Variants in PPP2R5E observed in about 807,000 individuals in gnomAD.
PPP2R5E encodes the protein protein phosphatase 2 regulatory subunit B'epsilon, also known as serine/threonine-protein phosphatase 2A 56 kDa regulatory subunit epsilon isoform.
A neutral mutation model predicts 65.3 loss-of-function variants in PPP2R5E; 4 were observed. The observed-to-expected ratio is 0.06, with a 90% CI of 0.03 to 0.14. The LOEUF is 0.14. Ranked by LOEUF, PPP2R5E falls within the 10% of genes least tolerant of loss-of-function variation. PPP2R5E has a pLI of 1.00. For missense variants in PPP2R5E, 274 were observed against 556.1 expected (o/e 0.49, Z 5.10); for synonymous variants, 183 against 187.4 (o/e 0.98, Z 0.19).
chr14:63,470,763 C>T (rs918293548), intron 2 of PPP2R5E, among the ~76,000 whole-genome samples: 17 of 147,602 alleles, frequency 1.2e-4, no homozygotes, highest in Non-Finnish European at 2.1e-4. Flanking sequence ...ATGGCTCACA[C>T]CTATAATCCC....
intron 3 of PPP2R5E, among the ~76,000 whole-genome samples, chr14:63,446,567 C>T (rs1177618398): frequency 1.3e-5 from 2 of 152,086 alleles, no homozygotes; most frequent in African/African-American, 2.4e-5. Context: ...CGGTGGCTCA[C>T]GCCTGTAATT....
intron 2 of PPP2R5E, among the ~76,000 whole-genome samples, chr14:63,497,975 A>T (rs1342206219): frequency 6.6e-6 from 1 of 152,184 alleles, no homozygotes; most frequent in East Asian, 1.9e-4. Context: ...TTTCTTATTC[A>T]CTTAGAATAA....
intron 2 of PPP2R5E, among the ~76,000 whole-genome samples, chr14:63,473,784 TG>T (rs1290073595): frequency 6.6e-6 from 1 of 152,180 alleles, no homozygotes; most frequent in Non-Finnish European, 1.5e-5. Flanking sequence ...TTTAGAAACT[TG>T]GGAGTTTTAA....
intron 2 of PPP2R5E, among the ~76,000 whole-genome samples, chr14:63,529,210 C>T (rs913365114): frequency 4.6e-5 from 7 of 152,252 alleles, no homozygotes; most frequent in African/African-American, 1.2e-4. Context: ...GATCCTCCTG[C>T]GTCCTCCCAA....
At chr14:63,416,760 C>A (rs1169532322) in intron 4 of PPP2R5E, among the ~76,000 whole-genome samples, 5 of 151,064 alleles carry the variant, frequency 3.3e-5, no homozygotes, top group African/African-American at 9.7e-5. Context: ...AGAAGAAAGC[C>A]ATTGTTTTAT....
chr14:63,391,943 G>A (rs368121677), intron 9 of PPP2R5E, 29 bp downstream of exon 9: 1 of 1,608,206 alleles, frequency 6.2e-7, no homozygotes, highest in Admixed American at 1.7e-5. Flanking sequence ...TTTTTCTTAA[G>A]TTTTTGAAAT....
rs534240476 is a variant in PPP2R5E at position 63,535,665 on chromosome 14, G to A, written c.157+3864C>T. Among the ~76,000 whole-genome samples the A allele has an allele frequency of 2.6e-5, 4 of 152,100 alleles. No homozygotes were observed. The South Asian group carries it at 6.2e-4, about 24-fold the overall frequency. ...CATAATCACTGTTTGTATAATTATC[G>A]TATTCAAACTCCCCTGAAATTAAAG... On this transcript the variant is annotated intron_variant, in intron 2 of 13. Coordinates refer to ENST00000337537, the MANE Select transcript of PPP2R5E (RefSeq NM_006246.5).
rs531184633 is a variant in PPP2R5E, at chr14:63,440,257, A to G, written c.354+13432T>C. ...TGGGCTCCTCCTCACCTCCTCAATC[A>G]CTATTTACTTTTCCAGACTGGGAAT... On this transcript the variant is annotated intron_variant, in intron 3 of 13. Transcript: ENST00000337537. Among the ~76,000 whole-genome samples, 24 of 152,228 alleles carry G rather than the reference A, an allele frequency of 1.6e-4. 1 individual carries two copies. The South Asian group carries it at 4.1e-3, about 26-fold the overall frequency.
At chr14:63,455,631 T>C in intron 2 of PPP2R5E, among the ~76,000 whole-genome samples, 1 of 152,116 alleles carries the variant, frequency 6.6e-6, no homozygotes, top group East Asian at 1.9e-4. Context: ...ACTCTCTAAG[T>C]GCTACCTGCT....
At chr14:63,412,684 C>T (rs1322751316) in intron 5 of PPP2R5E, among the ~76,000 whole-genome samples, 1 of 152,178 alleles carries the variant, frequency 6.6e-6, no homozygotes, top group African/African-American at 2.4e-5. Flanking sequence ...TACCAGAAAA[C>T]TTCACAGAAG....
chr14:63,380,405 G>A (rs1420808382), intron 13 of PPP2R5E, among the ~76,000 whole-genome samples: 5 of 152,060 alleles, frequency 3.3e-5, no homozygotes, highest in African/African-American at 9.7e-5. Context: ...GCTTACGCCT[G>A]TAATCCCAGC....
intron 2 of PPP2R5E, among the ~76,000 whole-genome samples, chr14:63,505,897 C>T (rs1472030386): frequency 5.9e-5 from 9 of 151,984 alleles, no homozygotes; most frequent in Non-Finnish European, 7.4e-5. Context: ...GTATTATAAT[C>T]AATATGAAAA....
intron 4 of PPP2R5E, 86 bp downstream of exon 4, chr14:63,421,907 G>T: frequency 2.0e-6 from 2 of 1,018,368 alleles, no homozygotes; most frequent in Non-Finnish European, 3.0e-6. Flanking sequence ...ATTTCTTGGT[G>T]AATAAAGCCC....
At chr14:63,401,369 C>T (rs889098635) in intron 5 of PPP2R5E, among the ~76,000 whole-genome samples, 11 of 152,106 alleles carry the variant, frequency 7.2e-5, no homozygotes, top group African/African-American at 2.7e-4. Context: ...GTGGACTGTG[C>T]CATCCCTAAT....
chr14:63,511,124 G>A (rs368393830), intron 2 of PPP2R5E, among the ~76,000 whole-genome samples: 3 of 152,334 alleles, frequency 2.0e-5, no homozygotes, highest in Admixed American at 6.5e-5. Flanking sequence ...CCACAAAGAG[G>A]TAGTCTTTCT....
intron 2 of PPP2R5E, among the ~76,000 whole-genome samples, chr14:63,478,165 T>C (rs1890500610): frequency 6.6e-6 from 1 of 152,208 alleles, no homozygotes; most frequent in South Asian, 2.1e-4. Context: ...CAGACTATTT[T>C]CAAATGACTT....
At chr14:63,421,052 C>CAAAAAAAAAAAAAAAAA (rs56297942) in intron 4 of PPP2R5E, among the ~76,000 whole-genome samples, 1 of 10,292 alleles carries the variant, frequency 9.7e-5, no homozygotes, top group African/African-American at 5.8e-4. Flanking sequence ...GACTCCGTCT[C>CAAAAAAAAAAAAAAAAA]AAAAAAAAAA....
intron 2 of PPP2R5E, among the ~76,000 whole-genome samples, chr14:63,506,996 G>A (rs1318130636): frequency 6.6e-6 from 1 of 152,218 alleles, no homozygotes; most frequent in Admixed American, 6.5e-5. Context: ...CAACATGGAG[G>A]AACCTTGAGA....
In PPP2R5E at chr14:63,374,155, T is replaced by C. The variant is rs1374613125; in HGVS notation, c.*1854A>G. 6.6e-6 allele frequency: 1 copy of C among 151,534 alleles called. No individual in the cohort carries two copies. The highest frequency in any genetic ancestry group is 1.9e-4 in the East Asian group (1 of 5,176). 9.4% of individuals were successfully genotyped at this position (151,534 alleles called of 1,614,324 possible). A position where few individuals can be genotyped will look rare whatever the true frequency, so the allele number is the denominator to read the frequency against. ...TTTTACAAAGTTACCGAGATGACAA[T>C]ATCCATAATTAGCTGACTCTTACGT... On this transcript the variant is annotated 3_prime_UTR_variant, in exon 14 of 14. Transcript: ENST00000337537.
Sources: gnomAD v4.1 joint callset for allele counts (sites outside exome capture counted in the v4.1 genomes callset) on GRCh38, gnomAD v4.1.1 for gene constraint, MANE v1.5 for transcripts, NCBI Gene and HGNC (gene_info 2026-07-23, HGNC 2026-07-21) for gene names.